The following C8A variants were observed in gnomAD, a reference collection of about 807,000 sequenced individuals.
C8A encodes the protein complement component C8 alpha chain.
A neutral mutation model predicts 65.3 loss-of-function variants in C8A; 67 were observed. That is an observed-to-expected ratio of 1.03 (90% CI 0.84 to 1.26). The LOEUF is 1.26. C8A is among the 50% of genes most tolerant of loss of function. The pLI, the probability that C8A is intolerant of heterozygous loss-of-function variation, is 0.00. For missense variants in C8A, 781 were observed against 723.9 expected, an observed-to-expected ratio of 1.08 and a Z score of -0.90; for synonymous variants, 290 against 259.4, an observed-to-expected ratio of 1.12 and a Z score of -1.13.
At chr1:56,888,466 G>A (rs1644318506) in intron 7 of C8A, among the ~76,000 whole-genome samples, 1 of 152,124 alleles carries the variant, frequency 6.6e-6, no homozygotes, top group Admixed American at 6.5e-5. Flanking sequence ...CATGTTGTAA[G>A]CCAATTGTAG....
At chr1:56,875,891 G>A (rs936049489) in intron 3 of C8A, among the ~76,000 whole-genome samples, 171 bp from the exon 4 acceptor site, 3 of 152,164 alleles carry the variant, frequency 2.0e-5, no homozygotes, top group Non-Finnish European at 2.9e-5. Context: ...CAAGCTGGGA[G>A]GCTGCAGACA....
intron 4 of C8A, among the ~76,000 whole-genome samples, chr1:56,879,496 A>G (rs1644230123): frequency 6.6e-6 from 1 of 152,156 alleles, no homozygotes; most frequent in African/African-American, 2.4e-5. Context: ...TGTTCAGTCT[A>G]TTAAGAGGCT....
intron 7 of C8A, 93 bp downstream of exon 7, chr1:56,886,260 T>A: frequency 1.4e-6 from 2 of 1,479,078 alleles, no homozygotes; most frequent in Non-Finnish European, 1.9e-6. Flanking sequence ...GAGCCATGGG[T>A]GATCTCATTT....
chr1:56,869,493 C>A (rs1005271489), intron 2 of C8A, among the ~76,000 whole-genome samples: 8 of 152,138 alleles, frequency 5.3e-5, no homozygotes, highest in African/African-American at 1.9e-4. Flanking sequence ...ATTACAGTCT[C>A]TTTTGTATAT....
chr1:56,906,571 A>G, intron 7 of C8A, 96 bp from the exon 8 acceptor site: 1 of 1,490,954 alleles, frequency 6.7e-7, no homozygotes, highest in Admixed American at 1.7e-5. Context: ...TGGACTCCAA[A>G]GCTGAAGCTA....
Position 56,906,881 on chromosome 1 carries a change from G to C in C8A, c.1222+89G>C. ...GACATGGAAGCTATTTTTTTTCCCA[G>C]TTGATTGCATTTTAGTCAATGATCA... On this transcript the variant is annotated intron_variant, in intron 8 of 10. Coordinates refer to ENST00000361249, the MANE Select transcript of C8A (RefSeq NM_000562.3). 5 of 1,515,388 alleles carry C rather than the reference G, an allele frequency of 3.3e-6. No homozygotes were observed. The South Asian group carries it at 5.7e-5, about 17-fold the overall frequency. The allele number at this position is 1,515,388 out of a possible 1,614,324, so 93.9% of individuals were successfully genotyped here. A position where few individuals can be genotyped will look rare whatever the true frequency, so the allele number is the denominator to read the frequency against.
Position 56,881,542 on chromosome 1 carries a change from C to A in C8A, c.562C>A (p.Leu188Ile), listed in dbSNP as rs1243984226. ...GGTATACAATGGGGAATGGAGGGAG[C>A]TTCGATATGACTCCACCTGTGAACG... ...ETVYNGEWRE[L>I]RYDSTCERLY... is the part of the protein sequence containing the mutation. Residue 188 changes from leucine to isoleucine, a missense_variant, in exon 5 of 11, where the codon CTT becomes ATT. By Grantham distance (5) the Leu-to-Ile change is conservative. Transcript: ENST00000361249. 2.5e-6 allele frequency: 4 copies of A among 1,613,626 alleles called. No homozygotes were observed. The highest frequency in any genetic ancestry group is 3.4e-6 in the Non-Finnish European group (4 of 1,179,740).
At chr1:56,862,764 G>A (rs983453302) in intron 1 of C8A, among the ~76,000 whole-genome samples, 1 of 152,154 alleles carries the variant, frequency 6.6e-6, no homozygotes, top group Non-Finnish European at 1.5e-5. Flanking sequence ...CTTACTGATT[G>A]AGTAGATTTT....
Position 56,875,011 on chromosome 1 carries a change from C to G in C8A, c.234C>G (p.Ile78Met). 1 of 1,613,812 alleles carries G rather than the reference C, an allele frequency of 6.2e-7. No homozygotes were observed. Among genetic ancestry groups the G allele is most frequent in the Non-Finnish European group, 8.5e-7 (1 of 1,179,840 alleles). The change falls in exon 3 of 11, where the codon ATC (isoleucine) becomes ATG (methionine). Residue 78 changes from isoleucine to methionine, a missense_variant. Transcript: ENST00000361249. ...GGGGAACCATCTGCAGTGGTGACAT[C>G]TGGGATCAAGCCAGCTGCTCCAGTT... ...KFGGTICSGDIWDQASCSSST... is the reference protein window; with the variant it reads ...KFGGTICSGDMWDQASCSSST...
chr1:56,888,689 G>A (rs1370096977), intron 7 of C8A, among the ~76,000 whole-genome samples: 3 of 152,170 alleles, frequency 2.0e-5, no homozygotes, highest in East Asian at 3.9e-4. Context: ...TGTAAAAAAA[G>A]CATTTAAAAA....
At chr1:56,894,853 A>G (rs1644376242) in intron 7 of C8A, among the ~76,000 whole-genome samples, 1 of 152,166 alleles carries the variant, frequency 6.6e-6, no homozygotes, top group African/African-American at 2.4e-5. Context: ...TCATCAGATT[A>G]TGGTCAGGGA....
rs553716289 is a variant in C8A, at chr1:56,916,135, C to T, written c.1604-1430C>T. 4.5e-4 allele frequency among the ~76,000 whole-genome samples: 69 copies of T among 152,246 alleles called. 1 individual carries two copies. Among genetic ancestry groups the T allele is most frequent in the African/African-American group, 1.6e-3 (68 of 41,536 alleles). On this transcript the variant is annotated intron_variant, in intron 10 of 10. Transcript: ENST00000361249. Reference sequence around the variant, plus strand: ...GCAGGCAGGCTGAGACACCTGCACACGTGGTGGGTATCAGAGAAGGTGTGG... The same window carrying T: ...GCAGGCAGGCTGAGACACCTGCACATGTGGTGGGTATCAGAGAAGGTGTGG...
chr1:56,893,264 T>A lies in C8A; in HGVS notation c.1096+7097T>A, dbSNP rs563690767. On this transcript the variant is annotated intron_variant, in intron 7 of 10. Transcript: ENST00000361249. ...AAAAGCACTGTGATACCTTAAATAC[T>A]GTCCAAGCAGCACTTACTATTATGG... Among the ~76,000 whole-genome samples, 10 of 152,276 alleles carry A rather than the reference T, an allele frequency of 6.6e-5. 2 individuals are homozygous for A. The South Asian group carries it at 1.9e-3, about 28-fold the overall frequency.
intron 2 of C8A, among the ~76,000 whole-genome samples, chr1:56,872,167 G>A (rs1428279338): frequency 6.6e-6 from 1 of 152,108 alleles, no homozygotes; most frequent in Non-Finnish European, 1.5e-5. Flanking sequence ...TTGGACCTTG[G>A]ATAAATACCT....
At chr1:56,899,273 T>C (rs1391379381) in intron 7 of C8A, among the ~76,000 whole-genome samples, 1 of 152,172 alleles carries the variant, frequency 6.6e-6, no homozygotes, top group Non-Finnish European at 1.5e-5. Flanking sequence ...GGAGAAAAGC[T>C]GAGATGGTGT....
chr1:56,913,437 T>C (rs1256527995), intron 10 of C8A, among the ~76,000 whole-genome samples: 5 of 152,316 alleles, frequency 3.3e-5, no homozygotes, highest in Non-Finnish European at 7.4e-5. Flanking sequence ...AACCAACTGG[T>C]ACCAGGGAAG....
In C8A at chr1:56,854,889, G is replaced by C; in HGVS notation, c.-13G>C. 2 of 1,612,036 alleles carry C rather than the reference G, an allele frequency of 1.2e-6. No individual in the cohort carries two copies. Among genetic ancestry groups the C allele is most frequent in the Non-Finnish European group, 1.7e-6 (2 of 1,178,826 alleles). ...TCCTTCAAGGTAATATAGTGCGGTG[G>C]CTTCTGGCTGAGATGTTTGCTGTTG... On this transcript the variant is annotated 5_prime_UTR_variant, in exon 1 of 11. Transcript: ENST00000361249.
intron 7 of C8A, among the ~76,000 whole-genome samples, chr1:56,898,919 T>C (rs745964027): frequency 1.3e-5 from 2 of 152,164 alleles, no homozygotes; most frequent in Non-Finnish European, 2.9e-5. Flanking sequence ...AGGAATCTTA[T>C]TGTAAAAGGT....
chr1:56,912,630 G>A lies in C8A; in HGVS notation c.1603+5G>A, dbSNP rs1333436706. The A allele has an allele frequency of 6.2e-7, 1 of 1,613,402 alleles. No individual in the cohort carries two copies. Among genetic ancestry groups the A allele is most frequent in the South Asian group, 1.1e-5 (1 of 91,036 alleles). On this transcript the variant is annotated splice_donor_5th_base_variant and intron_variant, in intron 10 of 10. Transcript: ENST00000361249. ...GTGAGCAAACACAGACAGAAGGTAA[G>A]GTCCGTGCATCCCCACCCAGTTCCA... is the stretch of plus-strand genomic sequence containing the variant.
Sources: allele counts gnomAD v4.1 joint callset (sites outside exome capture counted in the v4.1 genomes callset), GRCh38; gene constraint gnomAD v4.1.1; transcripts MANE v1.5; gene names NCBI Gene and HGNC (gene_info 2026-07-23, HGNC 2026-07-21).